Variants in ZNF10 observed in about 807,000 individuals in gnomAD.
ZNF10 encodes the protein zinc finger protein 10 (KOX 1).
ZNF10 carries 8 observed loss-of-function variants against 12.2 expected under a neutral mutation model. That is an observed-to-expected ratio of 0.66 (90% CI 0.39 to 1.18). The LOEUF is 1.18. Among genes scored for constraint, ZNF10 ranks in the 50% most tolerant of loss-of-function variants. The pLI, the probability that ZNF10 is intolerant of heterozygous loss-of-function variation, is 0.01. For missense variants in ZNF10, 603 were observed against 678.9 expected, an observed-to-expected ratio of 0.89 and a Z score of 1.24; for synonymous variants, 229 against 228.2, an observed-to-expected ratio of 1.00 and a Z score of -0.03.
intron 2 of ZNF10, among the ~76,000 whole-genome samples, chr12:133,145,417 T>C (rs1041070974): frequency 5.3e-5 from 8 of 152,202 alleles, no homozygotes; most frequent in Non-Finnish European, 1.2e-4. Context: ...GGTATTGTAC[T>C]GTTGTGTTAG....
intron 2 of ZNF10, among the ~76,000 whole-genome samples, chr12:133,150,006 C>T (rs1955998516): frequency 6.6e-6 from 1 of 152,192 alleles, no homozygotes; most frequent in Admixed American, 6.5e-5. Flanking sequence ...GGTCCCTTTA[C>T]ATTCCTCCCT....
Position 133,142,410 on chromosome 12 carries a change from C to CA in ZNF10, c.-59-2006dup, listed in dbSNP as rs370374280. Among the ~76,000 whole-genome samples the CA allele has an allele frequency of 3.5e-3, 379 of 108,606 alleles. 11 individuals are homozygous for CA. The highest frequency in any genetic ancestry group is 0.011 in the Middle Eastern group (2 of 182). 71.2% of individuals were successfully genotyped at this position (108,606 alleles called of 152,430 possible). On this transcript the variant is annotated intron_variant, in intron 1 of 4. Coordinates refer to ENST00000248211, the MANE Select transcript of ZNF10 (RefSeq NM_015394.5). ...GGGTGACAGAGTGAGACTCCGTCTC[C>CA]AAAAAAAAAAAAAAAAAAGTGGGAG...
At chr12:133,146,574 T>C (rs953164838) in intron 2 of ZNF10, among the ~76,000 whole-genome samples, 7 of 152,124 alleles carry the variant, frequency 4.6e-5, no homozygotes, top group African/African-American at 1.2e-4. Context: ...GGCTGGGCAC[T>C]GTGGCTCATG....
chr12:133,144,330 G>A (rs1453677436), intron 1 of ZNF10, 104 bp from the exon 2 acceptor site: 2 of 601,834 alleles, frequency 3.3e-6, no homozygotes, highest in African/African-American at 3.7e-5. Context: ...TCTGTATAGT[G>A]GGTGTTTGTG....
chr12:133,141,350 A>T (rs1372848952), intron 1 of ZNF10, among the ~76,000 whole-genome samples: 2 of 152,198 alleles, frequency 1.3e-5, no homozygotes, highest in Admixed American at 1.3e-4. Context: ...CAAGCATGCA[A>T]AGAGATGAAA....
Position 133,155,634 on chromosome 12 carries a change from T to G in ZNF10, c.388T>G (p.Trp130Gly), listed in dbSNP as rs1956034639. The G allele has an allele frequency of 6.2e-7, 1 of 1,614,036 alleles. No individual in the cohort carries two copies. Among genetic ancestry groups the G allele is most frequent in the Admixed American group, 1.7e-5 (1 of 60,024 alleles). The change falls in exon 5 of 5, where the codon TGG (tryptophan) becomes GGG (glycine). Residue 130 changes from tryptophan (W) to glycine (G), a missense_variant. By Grantham distance (184) the Trp-to-Gly change is radical. Around this residue, in one of 3 missense-constraint regions of ZNF10, gnomAD observed 393 missense variants for 399.7 expected, o/e 0.98. Coordinates refer to ENST00000248211, the MANE Select transcript of ZNF10 (RefSeq NM_015394.5). Reference protein sequence around the residue: ...DLWYLSLEEVWKCRDQLDKYQ... With the variant: ...DLWYLSLEEVGKCRDQLDKYQ... The stretch of plus-strand genomic sequence containing the variant: ...CTGGTATTTGTCATTAGAAGAAGTC[T>G]GGAAATGTAGAGACCAGTTAGACAA...
rs892582837 is a variant in ZNF10, at chr12:133,130,664, T to G, written c.-150T>G. 1 of 152,474 alleles carries G rather than the reference T, an allele frequency of 6.6e-6. No individual in the cohort carries two copies. Among genetic ancestry groups the G allele is most frequent in the Non-Finnish European group, 1.5e-5 (1 of 68,092 alleles). The allele number at this position is 152,474 out of a possible 1,614,324, so 9.4% of individuals were successfully genotyped here. A position where few individuals can be genotyped will look rare whatever the true frequency, so the allele number is the denominator to read the frequency against. On this transcript the variant is annotated 5_prime_UTR_variant, in exon 1 of 5. Coordinates refer to ENST00000248211, the MANE Select transcript of ZNF10 (RefSeq NM_015394.5). ...GACGCCGCTCTTCGCGCTCCGCTGG[T>G]GAATGGAGTCGCGTTCTCTGTTTTG...
chr12:133,142,698 T>C (rs1955953188), intron 1 of ZNF10, among the ~76,000 whole-genome samples: 1 of 152,068 alleles, frequency 6.6e-6, no homozygotes, highest in African/African-American at 2.4e-5. Flanking sequence ...GAATAACAAG[T>C]ATTTGGCAAG....
At chr12:133,149,382 G>T (rs1350588472) in intron 2 of ZNF10, among the ~76,000 whole-genome samples, 2 of 119,064 alleles carry the variant, frequency 1.7e-5, no homozygotes, top group Non-Finnish European at 1.7e-5. Context: ...TTTTTAGACA[G>T]GTTCTCACTC....
At chr12:133,130,861 A>C (rs1308274162) in intron 1 of ZNF10, 107 bp downstream of exon 1, 1 of 152,174 alleles carries the variant, frequency 6.6e-6, no homozygotes, top group Non-Finnish European at 1.5e-5. Flanking sequence ...GTAGACGGTA[A>C]TTTCGTCAAT....
At chr12:133,140,216 A>G (rs1353057518) in intron 1 of ZNF10, among the ~76,000 whole-genome samples, 1 of 143,860 alleles carries the variant, frequency 7.0e-6, no homozygotes, top group South Asian at 2.3e-4. Flanking sequence ...AAAAAAAAAA[A>G]AAAAAAAAAA....
chr12:133,151,879 A>G lies in ZNF10; in HGVS notation c.231A>G (p.Arg77=). The G allele has an allele frequency of 6.2e-7, 1 of 1,613,442 alleles. No homozygotes were observed. Among genetic ancestry groups the G allele is most frequent in the South Asian group, 1.1e-5 (1 of 91,070 alleles). Residue 77 remains arginine, a synonymous_variant, in exon 4 of 5, where the codon AGA becomes AGG. Coordinates refer to ENST00000248211, the MANE Select transcript of ZNF10 (RefSeq NM_015394.5). ...EKGEEPWLVE[R]EIHQETHPDS... ...GAGAAGAGCCCTGGCTGGTGGAGAGAGAAATTCACCAAGAGACCCATCCTG... is the reference window on the plus strand; with the variant it reads ...GAGAAGAGCCCTGGCTGGTGGAGAGGGAAATTCACCAAGAGACCCATCCTG...
chr12:133,154,990 ATCAT>A (rs1030280046), intron 4 of ZNF10, among the ~76,000 whole-genome samples: 2 of 152,082 alleles, frequency 1.3e-5, no homozygotes, highest in Non-Finnish European at 2.9e-5. Flanking sequence ...AGGCAGGAGA[ATCAT>A]TTGAACCTGG....
At chr12:133,142,518 G>A (rs558409537) in intron 1 of ZNF10, among the ~76,000 whole-genome samples, 29 of 151,648 alleles carry the variant, frequency 1.9e-4, no homozygotes, top group African/African-American at 6.5e-4. Context: ...AATACACACA[G>A]CCCAATTGTA....
intron 2 of ZNF10, among the ~76,000 whole-genome samples, chr12:133,147,504 TATTAAGCATC>T (rs1395008041): frequency 1.3e-5 from 2 of 152,214 alleles, no homozygotes; most frequent in Admixed American, 6.5e-5. Context: ...TAAATAATGA[TATTAAGCATC>T]ATTTGCTTAT....
rs768125058 is a variant in ZNF10, at chr12:133,156,902, A to C, written c.1656A>C (p.Thr552=). 5 of 1,510,662 alleles carry C rather than the reference A, an allele frequency of 3.3e-6. No homozygotes were observed. The South Asian group carries it at 5.5e-5, about 17-fold the overall frequency. The allele number at this position is 1,510,662 out of a possible 1,614,324, so 93.6% of individuals were successfully genotyped here. ...TCTTAACATGCAATCAATGTGGGACAGCGCTTGTTAATACCTCTAACCTTA... is the reference window on the plus strand; with the variant it reads ...TCTTAACATGCAATCAATGTGGGACCGCGCTTGTTAATACCTCTAACCTTA... The part of the protein sequence containing the change: ...EQFLTCNQCG[T]ALVNTSNLIG... The change falls in exon 5 of 5, where the codon ACA becomes ACC. Residue 552 remains threonine (T), a synonymous_variant. Transcript: ENST00000248211.
intron 1 of ZNF10, 133 bp from the exon 2 acceptor site, chr12:133,144,301 A>G: frequency 2.1e-6 from 1 of 486,568 alleles, no homozygotes. Context: ...ATTTGCTTAT[A>G]GAATATCTCT....
At chr12:133,132,504 G>A (rs1399354251) in intron 1 of ZNF10, among the ~76,000 whole-genome samples, 3 of 152,002 alleles carry the variant, frequency 2.0e-5, no homozygotes, top group South Asian at 2.1e-4. Context: ...AGCAACAAGA[G>A]CGAAACTCCG....
chr12:133,149,583 C>T (rs1292053584), intron 2 of ZNF10, among the ~76,000 whole-genome samples: 1 of 151,340 alleles, frequency 6.6e-6, no homozygotes, highest in Non-Finnish European at 1.5e-5. Context: ...TCTTGAACTC[C>T]TGAACTCAAG....
Sources: gnomAD v4.1 joint callset for allele counts (sites outside exome capture counted in the v4.1 genomes callset) on GRCh38, gnomAD v4.1.1 for gene constraint, gnomAD v4.1.1 regional missense constraint, MANE v1.5 for transcripts, NCBI Gene and HGNC (gene_info 2026-07-23, HGNC 2026-07-21) for gene names.